Variants in CCDC167 observed in about 807,000 individuals in gnomAD.
CCDC167 encodes the protein coiled-coil domain containing 167.
CCDC167 carries 15 observed loss-of-function variants against 12.7 expected under a neutral mutation model. The observed-to-expected ratio is 1.18, with a 90% CI of 0.79 to 1.81. CCDC167 has a LOEUF of 1.81. Among genes scored for constraint, CCDC167 ranks in the 40% most tolerant of loss-of-function variants. CCDC167 has a pLI of 0.00. For missense variants in CCDC167, 121 were observed against 120.1 expected, an observed-to-expected ratio of 1.01 and a Z score of -0.03; for synonymous variants, 52 against 49.0, an observed-to-expected ratio of 1.06 and a Z score of -0.26.
At chr6:37,496,297 G>A (rs747430106) in intron 1 of CCDC167, among the ~76,000 whole-genome samples, 40 of 152,220 alleles carry the variant, frequency 2.6e-4, no homozygotes, top group Non-Finnish European at 5.1e-4. Flanking sequence ...GCTGGGCATG[G>A]TGGTGCACGC....
At position 37,485,199 on chromosome 6, in the gene CCDC167, A is replaced by C. The variant is rs1437411336; in HGVS notation, c.43-5T>G. On this transcript the variant is annotated splice_region_variant and splice_polypyrimidine_tract_variant and intron_variant, in intron 1 of 3. Transcript: ENST00000373408. ...CTTCTCCTCTAGCCCATCGATCTGA[A>C]ACAAAGGCCACAGAGAGGTGGGCTG... 1.9e-6 allele frequency: 3 copies of C among 1,610,488 alleles called. No homozygotes were observed. Among genetic ancestry groups the C allele is most frequent in the Non-Finnish European group, 2.5e-6 (3 of 1,178,110 alleles).
chr6:37,493,449 C>G (rs1478336205), intron 1 of CCDC167, among the ~76,000 whole-genome samples: 1 of 152,258 alleles, frequency 6.6e-6, no homozygotes, highest in African/African-American at 2.4e-5. Context: ...TGGCAGACAG[C>G]CACTCCACAC....
intron 1 of CCDC167, among the ~76,000 whole-genome samples, chr6:37,489,888 G>A (rs541606461): frequency 1.1e-3 from 162 of 152,360 alleles, no homozygotes; most frequent in African/African-American, 3.5e-3. Flanking sequence ...GACTGTGACC[G>A]GCAAAGTAGA....
chr6:37,484,678 GC>G, intron 3 of CCDC167, 131 bp downstream of exon 3: 1 of 997,382 alleles, frequency 1.0e-6, no homozygotes, highest in Non-Finnish European at 1.6e-6. Flanking sequence ...GGTGTCTGCA[GC>G]CTCTGGGGGC....
intron 1 of CCDC167, among the ~76,000 whole-genome samples, chr6:37,489,335 C>A (rs1476757979): frequency 6.6e-6 from 1 of 152,172 alleles, no homozygotes; most frequent in Non-Finnish European, 1.5e-5. Flanking sequence ...GGCCCCTCTA[C>A]CTTGGATGTG....
At chr6:37,491,989 C>G (rs965071917) in intron 1 of CCDC167, among the ~76,000 whole-genome samples, 2 of 152,108 alleles carry the variant, frequency 1.3e-5, no homozygotes, top group African/African-American at 4.8e-5. Flanking sequence ...CTCCTAGCTC[C>G]TGGGCACAAC....
rs77648212 is a variant in CCDC167 at position 37,484,832 on chromosome 6, T to G, written c.168A>C (p.Leu56=). The G allele has an allele frequency of 3.4e-3, 5,569 of 1,614,238 alleles. 108 individuals carry two copies. The African/African-American group carries it at 0.053, about 15-fold the overall frequency. Reference sequence around the variant, plus strand: ...TACCGTAGTTGGAGGCTTTGTTCATTAGGCTGTTTTTCTCCTTCTCCAGGG... The same window carrying G: ...TACCGTAGTTGGAGGCTTTGTTCATGAGGCTGTTTTTCTCCTTCTCCAGGG... ...RRSLEKEKNS[L]MNKASNYEKE... is the part of the protein sequence containing the mutation. Residue 56 remains leucine (L), a synonymous_variant, in exon 3 of 4, where the codon CTA becomes CTC. Transcript: ENST00000373408.
chr6:37,494,474 A>G (rs1762072031), intron 1 of CCDC167, among the ~76,000 whole-genome samples: 1 of 151,888 alleles, frequency 6.6e-6, no homozygotes. Flanking sequence ...CCGACTCCCC[A>G]CCCCTGCTCC....
At chr6:37,493,405 AC>A (rs1335606026) in intron 1 of CCDC167, among the ~76,000 whole-genome samples, 3 of 152,104 alleles carry the variant, frequency 2.0e-5, no homozygotes, top group Non-Finnish European at 2.9e-5. Flanking sequence ...ACTGGCATCC[AC>A]CCCGAGCCTT....
intron 1 of CCDC167, among the ~76,000 whole-genome samples, chr6:37,490,035 AAG>A (rs1339498299): frequency 6.6e-6 from 1 of 152,206 alleles, no homozygotes; most frequent in Non-Finnish European, 1.5e-5. Flanking sequence ...CATGGGGAAA[AAG>A]CACTGTGTCC....
rs888825070 is a variant in CCDC167, at chr6:37,497,075, T to C, written c.42+2747A>G. On this transcript the variant is annotated intron_variant, in intron 1 of 3. Coordinates refer to ENST00000373408, the MANE Select transcript of CCDC167 (RefSeq NM_138493.3). ...TAGACCTGGTACTCTAGACCAGGAG[T>C]TGGCAACTAAGCCCTGTGGCCAAAT... Among the ~76,000 whole-genome samples the C allele has an allele frequency of 2.0e-5, 3 of 152,136 alleles. 1 individual carries two copies. Among genetic ancestry groups the C allele is most frequent in the South Asian group, 4.1e-4 (2 of 4,826 alleles).
chr6:37,496,271 A>G (rs1323458990), intron 1 of CCDC167, among the ~76,000 whole-genome samples: 1 of 151,958 alleles, frequency 6.6e-6, no homozygotes, highest in Non-Finnish European at 1.5e-5. Context: ...CGTCTCTACT[A>G]AAAATACAAA....
intron 1 of CCDC167, among the ~76,000 whole-genome samples, chr6:37,492,892 A>G (rs566722914): frequency 1.3e-5 from 2 of 152,258 alleles, no homozygotes; most frequent in South Asian, 4.1e-4. Context: ...TTTCCAGGTG[A>G]CAAGCCTCAA....
chr6:37,486,893 CA>C (rs1241287148), intron 1 of CCDC167, among the ~76,000 whole-genome samples: 1 of 152,198 alleles, frequency 6.6e-6, no homozygotes, highest in African/African-American at 2.4e-5. Flanking sequence ...GCACACAGCC[CA>C]GCCCCTCAGT....
Position 37,483,242 on chromosome 6 carries a change from G to A in CCDC167, c.238C>T (p.Leu80Phe). Residue 80 changes from leucine (L) to phenylalanine (F), a missense_variant, in exon 4 of 4, where the codon CTC (leucine) becomes TTC (phenylalanine). Transcript: ENST00000373408. Reference protein sequence around the residue: ...LRQENRKNMLLSVAIFILLTL... With the variant: ...LRQENRKNMLFSVAIFILLTL... ...AGGAGGATAAAGATGGCCACAGAGA[G>A]CAGCATGTTCTTCCGGTTCTCTTGC... is the stretch of plus-strand genomic sequence containing the variant. The A allele has an allele frequency of 1.2e-6, 2 of 1,614,152 alleles. No homozygotes were observed. The highest frequency in any genetic ancestry group is 1.7e-6 in the Non-Finnish European group (2 of 1,179,986).
intron 1 of CCDC167, among the ~76,000 whole-genome samples, chr6:37,492,325 C>T (rs1479921353): frequency 1.3e-5 from 2 of 151,984 alleles, no homozygotes; most frequent in African/African-American, 4.8e-5. Flanking sequence ...CTGGCTTCAA[C>T]AGATTCTCTA....
intron 1 of CCDC167, among the ~76,000 whole-genome samples, chr6:37,496,003 C>CGAA (rs1762092944): frequency 6.6e-6 from 1 of 152,082 alleles, no homozygotes; most frequent in South Asian, 2.1e-4. Flanking sequence ...GTCAAATCTT[C>CGAA]GAATATCCAA....
At position 37,485,212 on chromosome 6, in the gene CCDC167, G is replaced by T. The variant is rs369647042; in HGVS notation, c.43-18C>A. ...CCATCGATCTGAAACAAAGGCCACA[G>T]AGAGGTGGGCTGCCGAGGCTTCTAG... On this transcript the variant is annotated intron_variant, in intron 1 of 3. Transcript: ENST00000373408. 1 of 1,596,136 alleles carries T rather than the reference G, an allele frequency of 6.3e-7. No homozygotes were observed. The highest frequency in any genetic ancestry group is 1.1e-5 in the South Asian group (1 of 90,808).
At chr6:37,490,127 G>A (rs1413554084) in intron 1 of CCDC167, among the ~76,000 whole-genome samples, 4 of 152,200 alleles carry the variant, frequency 2.6e-5, no homozygotes, top group Non-Finnish European at 4.4e-5. Flanking sequence ...TAAGAGAGGC[G>A]ATGGTATGAA....
Sources: gnomAD v4.1 joint callset for allele counts (sites outside exome capture counted in the v4.1 genomes callset) on GRCh38, gnomAD v4.1.1 for gene constraint, MANE v1.5 for transcripts, NCBI Gene and HGNC (gene_info 2026-07-23, HGNC 2026-07-21) for gene names.